Variants in ARHGAP42 observed in about 807,000 individuals in gnomAD.
ARHGAP42 encodes the protein rho GTPase-activating protein 42.
In ARHGAP42, 63 loss-of-function variants were observed where a neutral mutation model predicts 125.0. The observed-to-expected ratio is 0.50, with a 90% CI of 0.41 to 0.62. The LOEUF is 0.62. Among genes scored for constraint, ARHGAP42 ranks in the 20% least tolerant of loss-of-function variants. The pLI, the probability that ARHGAP42 is intolerant of heterozygous loss-of-function variation, is 0.00. For synonymous variants in ARHGAP42, 339 were observed against 351.0 expected, an observed-to-expected ratio of 0.97 and a Z score of 0.38; for missense variants, 766 against 1,024.2, an observed-to-expected ratio of 0.75 and a Z score of 3.44.
intron 1 of ARHGAP42, 108 bp from the exon 2 acceptor site, chr11:100,770,235 C>G (rs1862940718): frequency 1.3e-6 from 1 of 743,898 alleles, no homozygotes; most frequent in African/African-American, 1.8e-5. Flanking sequence ...TTAAAGGATT[C>G]TGGTTCATAT....
At chr11:100,978,180 T>C (rs1858438936) in intron 21 of ARHGAP42, among the ~76,000 whole-genome samples, 1 of 152,160 alleles carries the variant, frequency 6.6e-6, no homozygotes, top group Non-Finnish European at 1.5e-5. Flanking sequence ...AGTTTCTCTT[T>C]TGTGATTGTA....
At chr11:100,987,846 T>TAAAC (rs1459288887) in intron 23 of ARHGAP42, among the ~76,000 whole-genome samples, 1 of 149,114 alleles carries the variant, frequency 6.7e-6, no homozygotes, top group African/African-American at 2.5e-5. Context: ...AATAAATAAA[T>TAAAC]AGGCCAGGCG....
chr11:100,802,114 C>T (rs950601907), intron 3 of ARHGAP42, among the ~76,000 whole-genome samples: 16 of 152,108 alleles, frequency 1.1e-4, no homozygotes, highest in African/African-American at 3.1e-4. Context: ...TTTGTGGTAA[C>T]GTCTTCTCAG....
At chr11:100,844,642 A>G (rs1865019944) in intron 3 of ARHGAP42, among the ~76,000 whole-genome samples, 1 of 152,278 alleles carries the variant, frequency 6.6e-6, no homozygotes, top group African/African-American at 2.4e-5. Flanking sequence ...AAGGACAGGA[A>G]TAGACAATTC....
chr11:100,829,211 G>A (rs573948086), intron 3 of ARHGAP42, among the ~76,000 whole-genome samples: 162 of 151,930 alleles, frequency 1.1e-3, no homozygotes, highest in Non-Finnish European at 1.5e-3. Flanking sequence ...GTGGCTTGGG[G>A]AAAAAAAGCA....
chr11:100,823,216 A>G (rs1244351010), intron 3 of ARHGAP42, among the ~76,000 whole-genome samples: 1 of 152,202 alleles, frequency 6.6e-6, no homozygotes, highest in Non-Finnish European at 1.5e-5. Flanking sequence ...TTTGAAGAAG[A>G]AAGAACTGGG....
intron 1 of ARHGAP42, among the ~76,000 whole-genome samples, chr11:100,715,372 C>T (rs149861295): frequency 1.1e-3 from 163 of 152,182 alleles, no homozygotes; most frequent in African/African-American, 3.7e-3. Context: ...CTAGTATCCC[C>T]TGGAGTATAA....
At chr11:100,875,081 C>G (rs1865780744) in intron 4 of ARHGAP42, among the ~76,000 whole-genome samples, 1 of 82,302 alleles carries the variant, frequency 1.2e-5, no homozygotes, top group Non-Finnish European at 2.5e-5. Flanking sequence ...CTGTCTCTCT[C>G]TCTCTCTCTC....
Position 100,907,298 on chromosome 11 carries a change from A to G in ARHGAP42, c.385-6154A>G, listed in dbSNP as rs778418929. 5.9e-5 allele frequency among the ~76,000 whole-genome samples: 9 copies of G among 152,310 alleles called. No individual in the cohort carries two copies. In the East Asian group the frequency reaches 1.7e-3, roughly 29 times the overall value. On this transcript the variant is annotated intron_variant, in intron 4 of 23. Transcript: ENST00000298815. ...TTCCTCTTTTGTGTATTATCCCTTC[A>G]TATCCTTGACATGCGTTATCTGTTT...
chr11:100,937,273 A>G (rs1434392159), intron 8 of ARHGAP42, among the ~76,000 whole-genome samples: 1 of 152,276 alleles, frequency 6.6e-6, no homozygotes, highest in Admixed American at 6.5e-5. Context: ...ATATCTAAAC[A>G]TGATAAAACT....
chr11:100,806,668 T>C (rs1863998352), intron 3 of ARHGAP42, among the ~76,000 whole-genome samples: 1 of 152,150 alleles, frequency 6.6e-6, no homozygotes, highest in Admixed American at 6.5e-5. Context: ...TACTGAATTG[T>C]GGATGCTTTC....
intron 2 of ARHGAP42, among the ~76,000 whole-genome samples, chr11:100,775,958 G>A (rs686056): frequency 0.28 from 42,167 of 151,868 alleles, 6,072 homozygotes; most frequent in Non-Finnish European, 0.31. Context: ...TTGGGAGTTC[G>A]AGACCAGCCT....
chr11:100,901,854 G>C (rs1866561413), intron 4 of ARHGAP42, among the ~76,000 whole-genome samples: 1 of 152,186 alleles, frequency 6.6e-6, no homozygotes, highest in African/African-American at 2.4e-5. Flanking sequence ...GAAATCCCCT[G>C]GCCCCTTGAG....
intron 5 of ARHGAP42, 70 bp from the exon 6 acceptor site, chr11:100,921,424 T>C (rs1485769125): frequency 4.4e-6 from 5 of 1,141,516 alleles, no homozygotes; most frequent in Non-Finnish European, 6.2e-6. Flanking sequence ...TTAATAAAGA[T>C]ACCAGAGCAG....
intron 5 of ARHGAP42, among the ~76,000 whole-genome samples, chr11:100,915,259 G>A (rs1043988927): frequency 2.0e-5 from 3 of 152,148 alleles, no homozygotes; most frequent in African/African-American, 7.2e-5. Flanking sequence ...AATGTCTTAA[G>A]TGATATTAAG....
chr11:100,841,767 G>A (rs375691085), intron 3 of ARHGAP42, among the ~76,000 whole-genome samples: 6 of 152,086 alleles, frequency 3.9e-5, no homozygotes, highest in Admixed American at 6.6e-5. Context: ...GGTTGGAGGC[G>A]GTTGAGGAGT....
At chr11:100,835,554 T>C (rs988235774) in intron 3 of ARHGAP42, among the ~76,000 whole-genome samples, 2 of 152,108 alleles carry the variant, frequency 1.3e-5, no homozygotes, top group Non-Finnish European at 2.9e-5. Context: ...TTAACTTAGA[T>C]TCTCAGACAC....
At chr11:100,900,196 G>A (rs1866504085) in intron 4 of ARHGAP42, among the ~76,000 whole-genome samples, 1 of 152,132 alleles carries the variant, frequency 6.6e-6, no homozygotes, top group South Asian at 2.1e-4. Flanking sequence ...GAAATTCTGG[G>A]TTGAAAATTC....
chr11:100,705,700 C>T (rs1861471756), intron 1 of ARHGAP42, among the ~76,000 whole-genome samples: 1 of 152,092 alleles, frequency 6.6e-6, no homozygotes, highest in Non-Finnish European at 1.5e-5. Context: ...AATATCTTTA[C>T]CTTACCTGGA....
Sources: gnomAD v4.1 joint callset for allele counts (sites outside exome capture counted in the v4.1 genomes callset) on GRCh38, gnomAD v4.1.1 for gene constraint, MANE v1.5 for transcripts, NCBI Gene and HGNC (gene_info 2026-07-23, HGNC 2026-07-21) for gene names.